Variants in COQ5 observed in about 807,000 individuals in gnomAD.
COQ5 encodes coenzyme Q5, methyltransferase, also known as 2-methoxy-6-polyprenyl-1,4-benzoquinol methylase, mitochondrial.
Under a neutral mutation model 40.5 loss-of-function variants are expected in COQ5, and 27 were observed. That is an observed-to-expected ratio of 0.67 (90% CI 0.49 to 0.92). The LOEUF is 0.92. Among genes scored for constraint, COQ5 ranks in the 40% least tolerant of loss-of-function variants. The pLI, the probability that COQ5 is intolerant of heterozygous loss-of-function variation, is 0.00. For missense variants in COQ5, 409 were observed against 406.4 expected (o/e 1.01, Z -0.06); for synonymous variants, 141 against 150.0 (o/e 0.94, Z 0.44).
At chr12:120,527,472 C>T (rs1482426467) in intron 1 of COQ5, 1 of 152,026 alleles carries the variant, frequency 6.6e-6, no homozygotes, top group East Asian at 1.9e-4. Flanking sequence ...TTTTAAAGGT[C>T]ATAAAACAAT....
In COQ5 at chr12:120,528,921, G is replaced by T; in HGVS notation, c.202+19C>A. 6.2e-7 allele frequency: 1 copy of T among 1,610,342 alleles called. No homozygotes were observed. The highest frequency in any genetic ancestry group is 8.5e-7 in the Non-Finnish European group (1 of 1,176,900). ...ATGGACGGTCAGATCCCTCCCATCC[G>T]CCCTCTCGCCCCTTTCACCTTTGCC... On this transcript the variant is annotated intron_variant, in intron 1 of 6. Coordinates refer to ENST00000288532, the MANE Select transcript of COQ5 (RefSeq NM_032314.4).
chr12:120,515,211 C>A (rs1421997283), intron 3 of COQ5, among the ~76,000 whole-genome samples: 1 of 152,176 alleles, frequency 6.6e-6, no homozygotes, highest in African/African-American at 2.4e-5. Flanking sequence ...CCTGCTTCAG[C>A]CTCCCAAGTA....
chr12:120,504,967 T>C lies in COQ5; in HGVS notation c.698A>G (p.His233Arg), dbSNP rs1438328808. The change falls in exon 5 of 7, where the codon CAT (histidine) becomes CGT (arginine). Residue 233 changes from histidine to arginine, a missense_variant. Transcript: ENST00000288532. ...CCGTCCTCCTGGTTTCAGCACCCGA[T>C]GAGCTTCCTGGAGTGCCTGAGCAAG... ...THIDQALQEA[H>R]RVLKPGGRFL... 3 of 1,614,074 alleles carry C rather than the reference T, an allele frequency of 1.9e-6. No homozygotes were observed. Among genetic ancestry groups the C allele is most frequent in the Non-Finnish European group, 1.7e-6 (2 of 1,179,940 alleles).
chr12:120,522,205 C>A lies in COQ5; in HGVS notation c.352+9G>T, dbSNP rs150208253. On this transcript the variant is annotated intron_variant, in intron 2 of 6. Transcript: ENST00000288532. Reference sequence around the variant, plus strand: ...CAATGGTAGTGAAGGATACCAAACTCGACATTACCTGTGCCTCCAGCAACA... The same window carrying A: ...CAATGGTAGTGAAGGATACCAAACTAGACATTACCTGTGCCTCCAGCAACA... 5 of 1,613,930 alleles carry A rather than the reference C, an allele frequency of 3.1e-6. No homozygotes were observed. The highest frequency in any genetic ancestry group is 4.2e-6 in the Non-Finnish European group (5 of 1,179,988).
chr12:120,519,645 T>C (rs1160676289), intron 2 of COQ5, among the ~76,000 whole-genome samples: 2 of 151,684 alleles, frequency 1.3e-5, no homozygotes. Context: ...CTGAGGTGGG[T>C]GTATCACCTG....
intron 2 of COQ5, among the ~76,000 whole-genome samples, chr12:120,520,053 T>C (rs1443287002): frequency 6.6e-6 from 1 of 151,968 alleles, no homozygotes; most frequent in African/African-American, 2.4e-5. Context: ...ATTATTCTAT[T>C]GTAATTTATC....
chr12:120,529,005 T>C lies in COQ5; in HGVS notation c.137A>G (p.Glu46Gly), dbSNP rs1870095814. 6.2e-7 allele frequency: 1 copy of C among 1,614,050 alleles called. No individual in the cohort carries two copies. The highest frequency in any genetic ancestry group is 1.3e-5 in the African/African-American group (1 of 74,994). Residue 46 changes from glutamate to glycine, a missense_variant, in exon 1 of 7, where the codon GAG becomes GGG. Transcript: ENST00000288532. ...DLLSARLLSQ[E>G]KRAAETHFGF... is the part of the protein sequence containing the mutation. ...AAAGTGCGTTTCCGCTGCCCGCTTC[T>C]CTTGGGACAAGAGCCGAGCACTTAG...
chr12:120,507,496 G>A (rs1250305033), intron 4 of COQ5, among the ~76,000 whole-genome samples: 1 of 150,244 alleles, frequency 6.7e-6, no homozygotes, highest in Non-Finnish European at 1.5e-5. Context: ...ATGTTGGTCA[G>A]GCTGGTCTCG....
At chr12:120,504,408 ATTTTTTTTT>A (rs33973905) in intron 5 of COQ5, among the ~76,000 whole-genome samples, 1 of 111,066 alleles carries the variant, frequency 9.0e-6, no homozygotes, top group Admixed American at 1.1e-4. Context: ...CCTGATTTAA[ATTTTTTTTT>A]TTTTTTTTTT....
intron 3 of COQ5, among the ~76,000 whole-genome samples, chr12:120,514,920 A>C (rs1366296731): frequency 6.6e-6 from 1 of 151,860 alleles, no homozygotes; most frequent in Non-Finnish European, 1.5e-5. Context: ...CAGCCTTCAA[A>C]TAGCTGGGAT....
At chr12:120,526,527 A>G (rs1869951780) in intron 1 of COQ5, 1 of 453,974 alleles carries the variant, frequency 2.2e-6, no homozygotes, top group Admixed American at 2.4e-5. Flanking sequence ...GCCAGCAAAA[A>G]CTTTCACATT....
chr12:120,528,852 A>T, intron 1 of COQ5, 88 bp downstream of exon 1: 6 of 1,214,768 alleles, frequency 4.9e-6, no homozygotes, highest in Non-Finnish European at 7.4e-6. Context: ...ACTGGAACTA[A>T]TTGGATGTTA....
intron 1 of COQ5, chr12:120,523,363 T>C: frequency 2.9e-6 from 1 of 350,600 alleles, no homozygotes; most frequent in Non-Finnish European, 5.4e-6. Flanking sequence ...GATTCATATC[T>C]TTGTGATCGG....
chr12:120,505,180 G>A (rs544439897), intron 4 of COQ5, among the ~76,000 whole-genome samples, 197 bp from the exon 5 acceptor site: 68 of 152,300 alleles, frequency 4.5e-4, no homozygotes, highest in African/African-American at 1.6e-3. Flanking sequence ...TCTGCTGCCG[G>A]TGACTAGACA....
intron 2 of COQ5, among the ~76,000 whole-genome samples, chr12:120,518,449 T>C (rs7963890): frequency 0.27 from 38,973 of 144,718 alleles, 6,405 homozygotes; most frequent in Admixed American, 0.39. Flanking sequence ...AAAAAAAAGC[T>C]GTTTCCTTGT....
chr12:120,523,077 G>C (rs972207044), intron 1 of COQ5: 1 of 379,816 alleles, frequency 2.6e-6, no homozygotes, highest in African/African-American at 2.1e-5. Flanking sequence ...GGTGGCTCAT[G>C]CCTGTAATCC....
intron 2 of COQ5, among the ~76,000 whole-genome samples, chr12:120,517,999 G>A (rs1869458787): frequency 6.6e-6 from 1 of 151,934 alleles, no homozygotes; most frequent in Non-Finnish European, 1.5e-5. Flanking sequence ...TAGAGATAGG[G>A]TTTCATCATG....
At chr12:120,512,446 T>C (rs1622884) in intron 3 of COQ5, among the ~76,000 whole-genome samples, 120,469 of 151,434 alleles carry the variant, frequency 0.8, 48,231 homozygotes, top group Admixed American at 0.85. Flanking sequence ...ACTAAAAATA[T>C]AAAAATTAGC....
intron 1 of COQ5, chr12:120,527,454 T>C (rs1870004039): frequency 6.6e-6 from 1 of 152,262 alleles, no homozygotes; most frequent in Non-Finnish European, 1.5e-5. Context: ...TTTTTGATGG[T>C]TGATAATTTT....
Sources: gnomAD v4.1 joint callset for allele counts (sites outside exome capture counted in the v4.1 genomes callset) on GRCh38, gnomAD v4.1.1 for gene constraint, MANE v1.5 for transcripts, NCBI Gene and HGNC (gene_info 2026-07-23, HGNC 2026-07-21) for gene names.